Variants in SLC12A6 observed in about 807,000 individuals in gnomAD.
SLC12A6 encodes the protein K-Cl cotransporter 3.
In SLC12A6, 66 loss-of-function variants were observed where a neutral mutation model predicts 135.3. The observed-to-expected ratio is 0.49, with a 90% CI of 0.40 to 0.60. SLC12A6 has a LOEUF of 0.60. Among genes scored for constraint, SLC12A6 ranks in the 20% least tolerant of loss-of-function variants. SLC12A6 has a pLI of 0.00. For synonymous variants in SLC12A6, 513 were observed against 508.8 expected, an observed-to-expected ratio of 1.01 and a Z score of -0.11; for missense variants, 1,058 against 1,452.3, an observed-to-expected ratio of 0.73 and a Z score of 4.41.
intron 2 of SLC12A6, among the ~76,000 whole-genome samples, chr15:34,291,071 T>G (rs1212366617): frequency 2.6e-5 from 4 of 152,238 alleles, no homozygotes; most frequent in Non-Finnish European, 5.9e-5. Context: ...AGTTTCTTCA[T>G]AGCACTGATG....
intron 7 of SLC12A6, 87 bp from the exon 8 acceptor site, chr15:34,255,479 T>C: frequency 1.1e-6 from 1 of 943,484 alleles, no homozygotes; most frequent in South Asian, 1.4e-5. Context: ...AAAAAATATA[T>C]ACATAAAGGT....
intron 2 of SLC12A6, among the ~76,000 whole-genome samples, chr15:34,320,916 T>A (rs866707226): frequency 3.5e-5 from 5 of 144,906 alleles, no homozygotes; most frequent in South Asian, 2.2e-4. Flanking sequence ...TCAAAAAAAA[T>A]AAATACAATA....
intron 2 of SLC12A6, among the ~76,000 whole-genome samples, chr15:34,317,498 T>A (rs765409757): frequency 1.1e-4 from 17 of 151,998 alleles, no homozygotes; most frequent in Non-Finnish European, 2.4e-4. Flanking sequence ...AGGTCAGGAG[T>A]TTGAGATCAG....
Position 34,236,039 on chromosome 15 carries a change from A to C in SLC12A6, c.3203T>G (p.Phe1068Cys). 1 of 1,614,044 alleles carries C rather than the reference A, an allele frequency of 6.2e-7. No individual in the cohort carries two copies. Among genetic ancestry groups the C allele is most frequent in the Non-Finnish European group, 8.5e-7 (1 of 1,179,930 alleles). The change falls in exon 24 of 26, where the codon TTC (phenylalanine) becomes TGC (cysteine). Residue 1068 changes from phenylalanine to cysteine, a missense_variant. Around this residue, in one of 6 missense-constraint regions of SLC12A6, gnomAD observed 245 missense variants for 440.8 expected, o/e 0.56. Transcript: ENST00000354181. ...RGQKAKSMEGFQDLLNMRPDQ... is the reference protein window; with the variant it reads ...RGQKAKSMEGCQDLLNMRPDQ... ...CGGACGCATGTTAAGCAGGTCCTGG[A>C]ATCCTTCCATTGACTTCGCTTTTTG... is the stretch of plus-strand genomic sequence containing the variant.
chr15:34,319,604 G>A lies in SLC12A6; in HGVS notation c.271+16806C>T, dbSNP rs112603955. Among the ~76,000 whole-genome samples the A allele has an allele frequency of 1.7e-3, 265 of 151,958 alleles. 3 individuals carry two copies. Among genetic ancestry groups the A allele is most frequent in the African/African-American group, 6.1e-3 (254 of 41,486 alleles). On this transcript the variant is annotated intron_variant, in intron 2 of 25. Transcript: ENST00000354181. ...ACCTGAGGTCAGGAGTTCAAGACCA[G>A]CCTGGCCAACATGGGGAAACCCTAT...
At chr15:34,274,537 G>A (rs577246211) in intron 3 of SLC12A6, among the ~76,000 whole-genome samples, 26 of 152,232 alleles carry the variant, frequency 1.7e-4, no homozygotes, top group Admixed American at 2.6e-4. Context: ...TGTCAAGGCC[G>A]GGTGCAGTGG....
At chr15:34,237,002 G>A (rs1891311043) in intron 22 of SLC12A6, 187 bp from the exon 23 acceptor site, 1 of 611,984 alleles carries the variant, frequency 1.6e-6, no homozygotes, top group East Asian at 3.0e-5. Context: ...AAAATTCAGA[G>A]GCCCTGAGAG....
intron 2 of SLC12A6, among the ~76,000 whole-genome samples, chr15:34,310,756 ACTC>A (rs1299285033): frequency 1.3e-4 from 9 of 68,966 alleles, no homozygotes; most frequent in Non-Finnish European, 1.8e-4. Flanking sequence ...CTGGTGTTGA[ACTC>A]CTGGGCTCAA....
intron 2 of SLC12A6, among the ~76,000 whole-genome samples, chr15:34,319,915 G>A (rs1430734363): frequency 6.6e-6 from 1 of 150,762 alleles, no homozygotes; most frequent in Non-Finnish European, 1.5e-5. Context: ...ATCCCTTTAA[G>A]TGGCGTACAG....
chr15:34,313,488 A>G (rs1247877775), intron 2 of SLC12A6, among the ~76,000 whole-genome samples: 1 of 152,212 alleles, frequency 6.6e-6, no homozygotes, highest in Non-Finnish European at 1.5e-5. Flanking sequence ...TTGGTTCATG[A>G]GGTTTAAGGA....
At chr15:34,275,474 C>A in intron 2 of SLC12A6, 85 bp from the exon 3 acceptor site, 9 of 786,424 alleles carry the variant, frequency 1.1e-5, no homozygotes, top group South Asian at 4.6e-5. Flanking sequence ...AAAAGTCAAC[C>A]AAGGAAATAA....
intron 2 of SLC12A6, among the ~76,000 whole-genome samples, chr15:34,294,245 C>A (rs1010300777): frequency 6.6e-6 from 1 of 152,050 alleles, no homozygotes; most frequent in African/African-American, 2.4e-5. Context: ...CTTCCACCCC[C>A]ACCTTGAGAC....
chr15:34,265,534 G>C (rs74815503), intron 3 of SLC12A6, among the ~76,000 whole-genome samples: 2,407 of 152,198 alleles, frequency 0.016, 68 homozygotes, highest in African/African-American at 0.055. Context: ...GGGGAATGAC[G>C]ACTTCATGTA....
chr15:34,288,503 T>C (rs896878599), intron 2 of SLC12A6, among the ~76,000 whole-genome samples: 1 of 152,244 alleles, frequency 6.6e-6, no homozygotes, highest in African/African-American at 2.4e-5. Context: ...AAAGTAGTTT[T>C]TTCCCAATTC....
Position 34,289,328 on chromosome 15 carries a change from C to T in SLC12A6, c.272-13939G>A, listed in dbSNP as rs542801342. 5.3e-5 allele frequency among the ~76,000 whole-genome samples: 8 copies of T among 152,270 alleles called. No homozygotes were observed. The East Asian group carries it at 5.8e-4, about 11-fold the overall frequency. The stretch of plus-strand genomic sequence containing the variant: ...TTGAACCAGCCTTGCATCCCAGGGA[C>T]GAAGCCCACGTGCTCATGGTGGATA... On this transcript the variant is annotated intron_variant, in intron 2 of 25. Coordinates refer to ENST00000354181, the MANE Select transcript of SLC12A6 (RefSeq NM_001365088.1).
chr15:34,255,392 G>T lies in SLC12A6; in HGVS notation c.746C>A (p.Ala249Asp). The T allele has an allele frequency of 1.2e-6, 2 of 1,606,142 alleles. No homozygotes were observed. The highest frequency in any genetic ancestry group is 8.5e-7 in the Non-Finnish European group (1 of 1,172,768). The part of the protein sequence containing the change: ...SAIATNGVVP[A>D]GGSYFMISRA... ...GGAAATCATAAAGTATGAGCCCCCAGCTAAAAGACAAAACAGAAGGTGAAT... is the reference window on the plus strand; with the variant it reads ...GGAAATCATAAAGTATGAGCCCCCATCTAAAAGACAAAACAGAAGGTGAAT... Residue 249 changes from alanine (A) to aspartate (D), a missense_variant and splice_region_variant, in exon 8 of 26, where the codon GCT becomes GAT. This residue lies in a region of SLC12A6 where 139 missense variants were observed against 202.2 expected (regional missense o/e 0.69). Coordinates refer to ENST00000354181, the MANE Select transcript of SLC12A6 (RefSeq NM_001365088.1).
intron 2 of SLC12A6, among the ~76,000 whole-genome samples, chr15:34,288,191 A>G (rs540271468): frequency 6.6e-6 from 1 of 152,318 alleles, no homozygotes; most frequent in African/African-American, 2.4e-5. Flanking sequence ...TTTTCTGCAT[A>G]TGGATAGCCA....
At chr15:34,326,502 CAA>C (rs1889465397) in intron 2 of SLC12A6, among the ~76,000 whole-genome samples, 1 of 152,114 alleles carries the variant, frequency 6.6e-6, no homozygotes. Context: ...AGACTTGGGT[CAA>C]AATCTTCATT....
chr15:34,248,719 A>G (rs1431884801), intron 13 of SLC12A6, among the ~76,000 whole-genome samples: 1 of 152,156 alleles, frequency 6.6e-6, no homozygotes, highest in Non-Finnish European at 1.5e-5. Flanking sequence ...GAAAACAAGT[A>G]GCTGCAATAT....
Sources: allele counts gnomAD v4.1 joint callset (sites outside exome capture counted in the v4.1 genomes callset), GRCh38; gene constraint gnomAD v4.1.1; regional missense constraint gnomAD v4.1.1; transcripts MANE v1.5; gene names NCBI Gene and HGNC (gene_info 2026-07-23, HGNC 2026-07-21).